The following NFATC3 variants were observed in gnomAD, a reference collection of about 807,000 sequenced individuals.
NFATC3 encodes nuclear factor of activated T-cells, cytoplasmic 3.
In NFATC3, 46 loss-of-function variants were observed where a neutral mutation model predicts 98.6. The observed-to-expected ratio is 0.47, with a 90% CI of 0.37 to 0.60. The LOEUF (loss-of-function observed/expected upper bound fraction) is 0.60, where lower values mean the gene tolerates loss of function less well. NFATC3 is among the 20% of genes least tolerant of loss of function. NFATC3 has a pLI of 0.00. For synonymous variants in NFATC3, 512 were observed against 472.2 expected, an observed-to-expected ratio of 1.08 and a Z score of -1.09; for missense variants, 1,256 against 1,295.5, an observed-to-expected ratio of 0.97 and a Z score of 0.47.
chr16:68,146,020 A>G (rs2038024563), intron 3 of NFATC3, among the ~76,000 whole-genome samples: 1 of 151,978 alleles, frequency 6.6e-6, no homozygotes, highest in Non-Finnish European at 1.5e-5. Context: ...TTGGGATCAG[A>G]AGTCAGAAGT....
intron 3 of NFATC3, chr16:68,138,458 CA>C: frequency 1.6e-6 from 2 of 1,236,344 alleles, no homozygotes; most frequent in African/African-American, 1.6e-5. Context: ...GGTTTAAGAC[CA>C]AAAAAATTTT....
chr16:68,121,734 T>G (rs2036593552), intron 1 of NFATC3, among the ~76,000 whole-genome samples: 1 of 151,000 alleles, frequency 6.6e-6, no homozygotes, highest in Admixed American at 6.6e-5. Flanking sequence ...TTTTAGAAAA[T>G]GTGGACATAA....
At chr16:68,121,218 G>A (rs12445396) in intron 1 of NFATC3, among the ~76,000 whole-genome samples, 17,304 of 149,264 alleles carry the variant, frequency 0.12, 1,137 homozygotes, top group South Asian at 0.19. Context: ...TTGCAGCCTA[G>A]GAATATCTCA....
intron 1 of NFATC3, among the ~76,000 whole-genome samples, chr16:68,114,219 G>T (rs1402800991): frequency 6.6e-6 from 1 of 152,146 alleles, no homozygotes; most frequent in Non-Finnish European, 1.5e-5. Context: ...ACCAGGTCAG[G>T]TTGTCGCTCT....
chr16:68,121,958 T>G (rs748513286), intron 1 of NFATC3, 29 bp from the exon 2 acceptor site: 13 of 261,700 alleles, frequency 5.0e-5, no homozygotes, highest in Middle Eastern at 1.4e-3. Flanking sequence ...TTTTGTTGGG[T>G]TTTTTTTTTT....
rs1213156910 is a variant in NFATC3, at chr16:68,126,608, A to C, written c.1399A>C (p.Lys467Gln). The change falls in exon 3 of 10, where the codon AAG (lysine) becomes CAG (glutamine). Residue 467 changes from lysine (K) to glutamine (Q), a missense_variant and splice_region_variant. Transcript: ENST00000346183. Reference protein sequence around the residue: ...KASTGGHPVVKLLGYNEKPIN... With the variant: ...KASTGGHPVVQLLGYNEKPIN... Reference sequence around the variant, plus strand: ...ATCTACTGGGGGACATCCTGTTGTGAAGGTATGAGACTTTTGGGGCTTGTT... The same window carrying C: ...ATCTACTGGGGGACATCCTGTTGTGCAGGTATGAGACTTTTGGGGCTTGTT... 6.2e-7 allele frequency: 1 copy of C among 1,614,022 alleles called. No individual in the cohort carries two copies. The highest frequency in any genetic ancestry group is 8.5e-7 in the Non-Finnish European group (1 of 1,179,954).
At chr16:68,187,085 C>T (rs1434330456) in intron 8 of NFATC3, among the ~76,000 whole-genome samples, 3 of 152,176 alleles carry the variant, frequency 2.0e-5, no homozygotes. Context: ...AGTGAGTGAG[C>T]GTGGGGTCCA....
intron 8 of NFATC3, among the ~76,000 whole-genome samples, chr16:68,188,778 G>A (rs1005824330): frequency 3.9e-5 from 6 of 152,104 alleles, no homozygotes; most frequent in African/African-American, 9.7e-5. Flanking sequence ...GTACTATCTC[G>A]TTTCACTGCA....
chr16:68,137,872 G>A (rs953020667), intron 3 of NFATC3, among the ~76,000 whole-genome samples: 2 of 151,790 alleles, frequency 1.3e-5, no homozygotes, highest in African/African-American at 2.4e-5. Context: ...CTCCTCGGTC[G>A]GCCTCCCAAA....
At chr16:68,163,466 C>T (rs1473386120) in intron 4 of NFATC3, among the ~76,000 whole-genome samples, 16 of 150,984 alleles carry the variant, frequency 1.1e-4, no homozygotes, top group African/African-American at 1.9e-4. Flanking sequence ...CCTCACCTCC[C>T]GGGCGGGGCT....
At chr16:68,179,318 C>T (rs1311223608) in intron 6 of NFATC3, among the ~76,000 whole-genome samples, 1 of 152,198 alleles carries the variant, frequency 6.6e-6, no homozygotes, top group African/African-American at 2.4e-5. Context: ...GTTTGCCTTT[C>T]ATCCACAGGC....
chr16:68,184,259 C>G (rs1378773704), intron 8 of NFATC3, among the ~76,000 whole-genome samples: 1 of 151,514 alleles, frequency 6.6e-6, no homozygotes, highest in Non-Finnish European at 1.5e-5. Flanking sequence ...GTTTTGGGGA[C>G]AGATGAGAGG....
intron 3 of NFATC3, among the ~76,000 whole-genome samples, chr16:68,149,928 CTTAT>C (rs962433489): frequency 3.9e-5 from 6 of 152,068 alleles, no homozygotes; most frequent in African/African-American, 1.4e-4. Context: ...AAGTAGTTTT[CTTAT>C]TTATTTGATA....
At chr16:68,097,711 C>T (rs1211496012) in intron 1 of NFATC3, among the ~76,000 whole-genome samples, 1 of 146,570 alleles carries the variant, frequency 6.8e-6, no homozygotes, top group Non-Finnish European at 1.5e-5. Context: ...TTATCTATTT[C>T]AACAGCTTTA....
At chr16:68,200,885 A>G (rs1017463029) in intron 9 of NFATC3, 5 of 152,184 alleles carry the variant, frequency 3.3e-5, no homozygotes, top group Non-Finnish European at 7.3e-5. Context: ...GACAGTAAAC[A>G]TTAAAACAGT....
rs567639333 is a variant in NFATC3 at position 68,126,376 on chromosome 16, A to G, written c.1239-72A>G. Reference sequence around the variant, plus strand: ...CAAAGGAAGAAATGTTGGTGCTGGCAAAGAAGCCATTTGAATCATTGCTTG... The same window carrying G: ...CAAAGGAAGAAATGTTGGTGCTGGCGAAGAAGCCATTTGAATCATTGCTTG... On this transcript the variant is annotated intron_variant, in intron 2 of 9. Transcript: ENST00000346183. 55 of 1,417,180 alleles carry G rather than the reference A, an allele frequency of 3.9e-5. 1 individual carries two copies. The South Asian group carries it at 7.4e-4, about 19-fold the overall frequency. The allele number at this position is 1,417,180 out of a possible 1,614,324, so 87.8% of individuals were successfully genotyped here.
rs910660735 is a variant in NFATC3 at position 68,227,115 on chromosome 16, G to T, written c.*644G>T. ...GAAGAGACCATTCCATCATTGAAGT[G>T]TTGGAATATAAAAAGACATTCCAGA... On this transcript the variant is annotated 3_prime_UTR_variant, in exon 10 of 10. Transcript: ENST00000346183. The T allele has an allele frequency of 6.6e-6, 1 of 152,114 alleles. No individual in the cohort carries two copies. The highest frequency in any genetic ancestry group is 2.4e-5 in the African/African-American group (1 of 41,416). The allele number at this position is 152,114 out of a possible 1,614,324, so 9.4% of individuals were successfully genotyped here.
chr16:68,209,699 AG>A, intron 9 of NFATC3: 1 of 437,470 alleles, frequency 2.3e-6, no homozygotes, highest in Non-Finnish European at 4.5e-6. Flanking sequence ...ACAAGAAGCT[AG>A]GGGGAATGGT....
At chr16:68,132,307 G>C (rs1372899756) in intron 3 of NFATC3, among the ~76,000 whole-genome samples, 1 of 152,128 alleles carries the variant, frequency 6.6e-6, no homozygotes, top group African/African-American at 2.4e-5. Context: ...GGTAGGGTGA[G>C]GACTGTGTAA....
Sources: gnomAD v4.1 joint callset for allele counts (sites outside exome capture counted in the v4.1 genomes callset) on GRCh38, gnomAD v4.1.1 for gene constraint, MANE v1.5 for transcripts, NCBI Gene and HGNC (gene_info 2026-07-23, HGNC 2026-07-21) for gene names.